Variants in GSTM2 observed in about 807,000 individuals in gnomAD.
GSTM2 encodes GST class-mu 2.
A neutral mutation model predicts 33.3 loss-of-function variants in GSTM2; 33 were observed. That is an observed-to-expected ratio of 0.99 (90% CI 0.75 to 1.33). The LOEUF is 1.33. Among genes scored for constraint, GSTM2 ranks in the 40% most tolerant of loss-of-function variants. The pLI is 0.00. For missense variants in GSTM2, 213 were observed against 265.8 expected (o/e 0.80, Z 1.38); for synonymous variants, 93 against 95.6 (o/e 0.97, Z 0.16).
At chr1:109,677,610 A>G (rs1166571149), downstream of GSTM2, among the ~76,000 whole-genome samples, 4 of 152,196 alleles carry the variant, frequency 2.6e-5, no homozygotes, top group African/African-American at 9.7e-5. Flanking sequence ...AAATGATTCC[A>G]TGGTATCAGA....
At chr1:109,679,522 T>A, downstream of GSTM2, among the ~76,000 whole-genome samples, 1 of 152,162 alleles carries the variant, frequency 6.6e-6, no homozygotes, top group Non-Finnish European at 1.5e-5. Flanking sequence ...ACCTTCACCT[T>A]TTTTGTTTAT....
downstream of GSTM2, among the ~76,000 whole-genome samples, chr1:109,679,250 C>A (rs1229667874): frequency 6.6e-6 from 1 of 152,002 alleles, no homozygotes; most frequent in East Asian, 1.9e-4. Context: ...GCGGGTGGAT[C>A]ACTTGAGGTC....
downstream of GSTM2, among the ~76,000 whole-genome samples, chr1:109,679,288 T>C (rs570357183): frequency 2.6e-5 from 4 of 152,080 alleles, no homozygotes; most frequent in Non-Finnish European, 5.9e-5. Flanking sequence ...CTAGCCAATA[T>C]GGTGAAACCC....
rs1557957532 is a variant in GSTM2 at position 109,668,560 on chromosome 1, G to A, written c.112+60G>A. On this transcript the variant is annotated intron_variant, in intron 2 of 7. Transcript: ENST00000241337. The stretch of plus-strand genomic sequence containing the variant: ...CACACTAAGTTGGCACCAAGCAACC[G>A]ATAGTGGCCACCTGTGGCTGACTCT... 14 of 1,574,372 alleles carry A rather than the reference G, an allele frequency of 8.9e-6. No individual in the cohort carries two copies. In the East Asian group the frequency reaches 2.2e-4, roughly 25 times the overall value.
chr1:109,675,978 A>G (rs1437506627), downstream of GSTM2, among the ~76,000 whole-genome samples: 1 of 152,266 alleles, frequency 6.6e-6, no homozygotes, highest in African/African-American at 2.4e-5. Context: ...CCTCATAACC[A>G]TGGCAGAAGG....
In GSTM2 at chr1:109,669,380, A is replaced by T; in HGVS notation, c.259+9A>T. The T allele has an allele frequency of 6.2e-7, 1 of 1,614,170 alleles. No individual in the cohort carries two copies. Among genetic ancestry groups the T allele is most frequent in the Non-Finnish European group, 8.5e-7 (1 of 1,180,022 alleles). ...CCGCAAGCACAACCTGTGTGAGTAG[A>T]TTTGGTTGCAAGATGCGGGGAGGGA... On this transcript the variant is annotated intron_variant, in intron 4 of 7. Transcript: ENST00000241337.
chr1:109,677,093 C>T (rs1377100604), downstream of GSTM2, among the ~76,000 whole-genome samples: 2 of 152,174 alleles, frequency 1.3e-5, no homozygotes, highest in African/African-American at 4.8e-5. Context: ...TGAGAAGGTG[C>T]TCAACATCAT....
downstream of GSTM2, among the ~76,000 whole-genome samples, chr1:109,678,107 G>A (rs71663101): frequency 2.6e-5 from 4 of 152,062 alleles, no homozygotes; most frequent in Admixed American, 6.6e-5. Context: ...ACTGGTGTGC[G>A]TGTTTACTCT....
intron 2 of GSTM2, 49 bp from the exon 3 acceptor site, chr1:109,668,876 G>C (rs768873693): frequency 1.2e-6 from 2 of 1,610,014 alleles, no homozygotes; most frequent in Non-Finnish European, 1.7e-6. Flanking sequence ...CCAGGAAGGA[G>C]GGCTGGGCTT....
chr1:109,676,662 T>A (rs1375025241), downstream of GSTM2, among the ~76,000 whole-genome samples: 1 of 152,198 alleles, frequency 6.6e-6, no homozygotes, highest in Non-Finnish European at 1.5e-5. Context: ...TATCTTTTGC[T>A]TTTTTACGCT....
intron 7 of GSTM2, chr1:109,673,575 G>T: frequency 3.1e-6 from 1 of 320,740 alleles, no homozygotes; most frequent in Non-Finnish European, 6.0e-6. Context: ...AAGAGGTGGT[G>T]GGAAGGGAGG....
intron 5 of GSTM2, 43 bp downstream of exon 5, chr1:109,669,614 C>A (rs1302298122): frequency 5.0e-5 from 60 of 1,197,644 alleles, no homozygotes; most frequent in Non-Finnish European, 7.3e-5. Flanking sequence ...TTCCCTACTC[C>A]CAGTCTCCCC....
intron 5 of GSTM2, chr1:109,669,864 T>G (rs1056115840): frequency 5.7e-6 from 2 of 353,282 alleles, no homozygotes; most frequent in Non-Finnish European, 1.0e-5. Context: ...CTACAGCTCT[T>G]AAAGGTGGCG....
At chr1:109,671,637 G>T (rs1449983341) in intron 7 of GSTM2, 54 bp downstream of exon 7, 13 of 1,017,276 alleles carry the variant, frequency 1.3e-5, no homozygotes, top group Middle Eastern at 4.3e-4. Flanking sequence ...TCCCTCCTTT[G>T]TGATGCTTTC....
chr1:109,672,868 CT>C (rs67187488), intron 7 of GSTM2, among the ~76,000 whole-genome samples: 54,729 of 122,092 alleles, frequency 0.45, 10,703 homozygotes, highest in East Asian at 0.58. Context: ...TTCTCTACCT[CT>C]TTTTTTTTTT....
intron 5 of GSTM2, 108 bp from the exon 6 acceptor site, chr1:109,671,179 A>C (rs182204133): frequency 1.0e-4 from 77 of 754,376 alleles, no homozygotes; most frequent in Non-Finnish European, 2.9e-5. Context: ...AGCTGTGGGG[A>C]AGATGACTGC....
chr1:109,668,281 G>T, intron 1 of GSTM2, 130 bp downstream of exon 1: 3 of 1,358,356 alleles, frequency 2.2e-6, no homozygotes, highest in East Asian at 2.3e-5. Flanking sequence ...TGTGCTTGCC[G>T]CTGTCTGTGC....
chr1:109,682,590 T>G (rs1194961530), intron 7 of GSTM2, among the ~76,000 whole-genome samples: 1 of 127,680 alleles, frequency 7.8e-6, no homozygotes, highest in South Asian at 2.4e-4. Flanking sequence ...GTTTCAATAT[T>G]TCTCTTAAGG....
downstream of GSTM2, among the ~76,000 whole-genome samples, chr1:109,678,473 G>A (rs564271409): frequency 7.2e-5 from 11 of 152,268 alleles, no homozygotes; most frequent in African/African-American, 2.2e-4. Flanking sequence ...TGGGCTGGGC[G>A]CAGTGGCTCA....
Sources: allele counts gnomAD v4.1 joint callset (sites outside exome capture counted in the v4.1 genomes callset), GRCh38; gene constraint gnomAD v4.1.1; transcripts MANE v1.5; gene names NCBI Gene and HGNC (gene_info 2026-07-23, HGNC 2026-07-21).